The following ATE1 variants were observed in gnomAD, a reference collection of about 807,000 sequenced individuals.
ATE1 encodes the protein arginyl-tRNA--protein transferase 1.
A neutral mutation model predicts 70.5 loss-of-function variants in ATE1; 36 were observed. The observed-to-expected ratio is 0.51, with a 90% CI of 0.39 to 0.67. The LOEUF (loss-of-function observed/expected upper bound fraction) is 0.67, where lower values mean the gene tolerates loss of function less well. Among genes scored for constraint, ATE1 ranks in the 30% least tolerant of loss-of-function variants. The pLI is 0.00. For missense variants in ATE1, 593 were observed against 629.5 expected (o/e 0.94, Z 0.62); for synonymous variants, 232 against 219.3 (o/e 1.06, Z -0.51).
At chr10:121,876,460 T>C (rs1950052033) in intron 7 of ATE1, among the ~76,000 whole-genome samples, 1 of 152,216 alleles carries the variant, frequency 6.6e-6, no homozygotes, top group African/African-American at 2.4e-5. Flanking sequence ...ATAATAATCA[T>C]CATATATTTT....
intron 8 of ATE1, among the ~76,000 whole-genome samples, chr10:121,864,308 C>A (rs765625041): frequency 1.3e-5 from 2 of 152,182 alleles, no homozygotes; most frequent in African/African-American, 2.4e-5. Flanking sequence ...AAGCAGCTCA[C>A]AACCCAGCTC....
At chr10:121,862,406 GAGTGC>G (rs1949505963) in intron 8 of ATE1, among the ~76,000 whole-genome samples, 1 of 151,912 alleles carries the variant, frequency 6.6e-6, no homozygotes, top group Admixed American at 6.6e-5. Context: ...TCTTTCTTTG[GAGTGC>G]AGTGTTGTGA....
intron 8 of ATE1, among the ~76,000 whole-genome samples, chr10:121,856,683 C>T (rs187735069): frequency 5.9e-5 from 9 of 152,310 alleles, no homozygotes; most frequent in African/African-American, 1.9e-4. Context: ...AAGTGTGCAA[C>T]AGCACATCCA....
chr10:121,900,071 TC>T (rs1950921851), intron 6 of ATE1, 77 bp from the exon 7 acceptor site: 16 of 1,459,290 alleles, frequency 1.1e-5, no homozygotes, highest in Non-Finnish European at 1.5e-5. Context: ...TAAGAGTAAC[TC>T]CCATCCAAGA....
chr10:121,856,129 A>G (rs113130064), intron 8 of ATE1, among the ~76,000 whole-genome samples: 2,638 of 151,876 alleles, frequency 0.017, 30 homozygotes, highest in Non-Finnish European at 0.026. Flanking sequence ...AAATCTTTGG[A>G]TAAATAAGGC....
At chr10:121,766,022 T>C (rs1378961991) in intron 11 of ATE1, among the ~76,000 whole-genome samples, 1 of 151,872 alleles carries the variant, frequency 6.6e-6, no homozygotes, top group East Asian at 1.9e-4. Context: ...TCTATTATTC[T>C]GACAGCTTTA....
intron 11 of ATE1, among the ~76,000 whole-genome samples, chr10:121,789,066 C>T (rs1438532815): frequency 1.3e-5 from 2 of 152,114 alleles, no homozygotes; most frequent in Admixed American, 6.5e-5. Flanking sequence ...ATATAGGATG[C>T]AGCATTCTAA....
At chr10:121,746,292 A>G (rs183290304) in intron 11 of ATE1, among the ~76,000 whole-genome samples, 156 of 152,290 alleles carry the variant, frequency 1.0e-3, no homozygotes, top group Admixed American at 9.2e-3. Flanking sequence ...GTCTGCTAAT[A>G]CTTCCCCAGT....
At position 121,741,503 on chromosome 10, in the gene ATE1, C is replaced by G. The variant is rs990619781; in HGVS notation, c.*2177G>C. 1 of 152,156 alleles carries G rather than the reference C, an allele frequency of 6.6e-6. No homozygotes were observed. The highest frequency in any genetic ancestry group is 1.5e-5 in the Non-Finnish European group (1 of 68,046). The allele number at this position is 152,156 out of a possible 1,614,324, so 9.4% of individuals were successfully genotyped here. On this transcript the variant is annotated 3_prime_UTR_variant, in exon 12 of 12. Transcript: ENST00000224652. The stretch of plus-strand genomic sequence containing the variant: ...TGAAAATGAATTCTGCAGGAAGAAA[C>G]CAGAGTTGTGGTAAGATGTTGGAGT...
In ATE1 at chr10:121,777,085, G is replaced by A. The variant is rs1463891078; in HGVS notation, c.1378+13084C>T. ...ATTCAGAGGTCATAAAACATATTAG[G>A]ATCTTAACTTATGTAGTCTGAATTT... On this transcript the variant is annotated intron_variant, in intron 11 of 11. Transcript: ENST00000224652. Among the ~76,000 whole-genome samples, 2 of 152,174 alleles carry A rather than the reference G, an allele frequency of 1.3e-5. 1 individual carries two copies. The highest frequency in any genetic ancestry group is 3.9e-4 in the East Asian group (2 of 5,194).
At chr10:121,882,406 C>T (rs1250304299) in intron 7 of ATE1, among the ~76,000 whole-genome samples, 2 of 152,166 alleles carry the variant, frequency 1.3e-5, no homozygotes, top group African/African-American at 4.8e-5. Flanking sequence ...ATCATCCAGA[C>T]CTAGTAACAA....
intron 5 of ATE1, among the ~76,000 whole-genome samples, chr10:121,905,453 G>GTATC (rs1180780350): frequency 6.6e-6 from 1 of 152,106 alleles, no homozygotes; most frequent in African/African-American, 2.4e-5. Context: ...CTGACTACCT[G>GTATC]TATCGTCTTT....
chr10:121,906,800 T>C lies in ATE1; in HGVS notation c.583+4106A>G, dbSNP rs193033756. Among the ~76,000 whole-genome samples, 4 of 152,172 alleles carry C rather than the reference T, an allele frequency of 2.6e-5. No homozygotes were observed. In the East Asian group the frequency reaches 5.9e-4, roughly 22 times the overall value. ...TTTTAATGGAGATGGGGTTTCACCA[T>C]GCTGGCCAGGCTGGTCTCAAACTCC... is the stretch of plus-strand genomic sequence containing the variant. On this transcript the variant is annotated intron_variant, in intron 5 of 11. Transcript: ENST00000224652.
In ATE1 at chr10:121,818,573, T is replaced by C. The variant is rs141309408; in HGVS notation, c.1257+18145A>G. On this transcript the variant is annotated intron_variant, in intron 10 of 11. Coordinates refer to ENST00000224652, the MANE Select transcript of ATE1 (RefSeq NM_001001976.3). Reference sequence around the variant, plus strand: ...CTTTACCAAACTCAGAGCAAGTCCATGGTTATTTGTAAAGAAAAAAATCCT... The same window carrying C: ...CTTTACCAAACTCAGAGCAAGTCCACGGTTATTTGTAAAGAAAAAAATCCT... Among the ~76,000 whole-genome samples the C allele has an allele frequency of 4.8e-3, 730 of 152,316 alleles. 8 individuals carry two copies. The highest frequency in any genetic ancestry group is 7.2e-3 in the Non-Finnish European group (489 of 68,018).
At chr10:121,842,819 ACT>A (rs1226628122) in intron 8 of ATE1, among the ~76,000 whole-genome samples, 1 of 152,100 alleles carries the variant, frequency 6.6e-6, no homozygotes, top group Non-Finnish European at 1.5e-5. Flanking sequence ...ATGACTAATC[ACT>A]CTTAACAAAC....
chr10:121,826,021 T>A (rs1947994588), intron 10 of ATE1, among the ~76,000 whole-genome samples: 1 of 152,234 alleles, frequency 6.6e-6, no homozygotes. Flanking sequence ...TGTGACAACA[T>A]GAATGAATCT....
chr10:121,835,376 C>CCCAGTCATT (rs1381163812), intron 10 of ATE1, among the ~76,000 whole-genome samples: 1 of 151,482 alleles, frequency 6.6e-6, no homozygotes, highest in Non-Finnish European at 1.5e-5. Flanking sequence ...GAACCATCTC[C>CCCAGTCATT]CCAGTCATTC....
chr10:121,799,586 A>G (rs942312511), intron 10 of ATE1, among the ~76,000 whole-genome samples: 2 of 152,232 alleles, frequency 1.3e-5, no homozygotes, highest in African/African-American at 4.8e-5. Context: ...CTTTGCAGCT[A>G]GCATGTGGTC....
chr10:121,809,218 C>T (rs922156905), intron 10 of ATE1, among the ~76,000 whole-genome samples: 15 of 152,070 alleles, frequency 9.9e-5, no homozygotes, highest in Non-Finnish European at 2.1e-4. Flanking sequence ...CAGCTGTTTT[C>T]CTTGAAGTGA....
Sources: gnomAD v4.1 joint callset for allele counts (sites outside exome capture counted in the v4.1 genomes callset) on GRCh38, gnomAD v4.1.1 for gene constraint, MANE v1.5 for transcripts, NCBI Gene and HGNC (gene_info 2026-07-23, HGNC 2026-07-21) for gene names.